The following LIN28A variants were observed in gnomAD, a reference collection of about 807,000 sequenced individuals.
LIN28A encodes protein lin-28 homolog A.
LIN28A carries 11 observed loss-of-function variants against 21.1 expected under a neutral mutation model. The ratio of observed to expected loss-of-function variants is 0.52; its 90% CI spans 0.33 to 0.86. The LOEUF (loss-of-function observed/expected upper bound fraction) is 0.86, where lower values mean the gene tolerates loss of function less well. Ranked by LOEUF, LIN28A falls within the 40% of genes least tolerant of loss-of-function variation. LIN28A has a pLI of 0.03. For missense variants in LIN28A, 219 were observed against 279.8 expected (o/e 0.78, Z 1.55); for synonymous variants, 111 against 108.7 (o/e 1.02, Z -0.13).
intron 2 of LIN28A, among the ~76,000 whole-genome samples, chr1:26,418,993 A>T (rs1416173511): frequency 6.6e-6 from 1 of 151,960 alleles, no homozygotes; most frequent in East Asian, 1.9e-4. Context: ...AGAACCAGCC[A>T]GTGTCAACTC....
At chr1:26,418,878 A>T (rs957089705) in intron 2 of LIN28A, among the ~76,000 whole-genome samples, 1 of 152,090 alleles carries the variant, frequency 6.6e-6, no homozygotes, top group Non-Finnish European at 1.5e-5. Context: ...TCCCGTGACC[A>T]TAACCCCAAC....
At chr1:26,420,464 A>T (rs1231675976) in intron 2 of LIN28A, among the ~76,000 whole-genome samples, 2 of 152,048 alleles carry the variant, frequency 1.3e-5, no homozygotes, top group African/African-American at 4.8e-5. Context: ...AAATACAAAA[A>T]TTAGCTGGGT....
intron 2 of LIN28A, among the ~76,000 whole-genome samples, chr1:26,424,435 T>A (rs1244620646): frequency 6.6e-6 from 1 of 151,858 alleles, no homozygotes; most frequent in Non-Finnish European, 1.5e-5. Flanking sequence ...AGAGACAGGG[T>A]TTCACCATGT....
At chr1:26,420,108 C>T (rs553293333) in intron 2 of LIN28A, among the ~76,000 whole-genome samples, 1 of 152,192 alleles carries the variant, frequency 6.6e-6, no homozygotes, top group South Asian at 2.1e-4. Context: ...CAGGCACATG[C>T]CACCATGCTG....
At position 26,411,712 on chromosome 1, in the gene LIN28A, G is replaced by A. The variant is rs2074960811; in HGVS notation, c.228+130G>A. 6 of 888,394 alleles carry A rather than the reference G, an allele frequency of 6.8e-6. No homozygotes were observed. The highest frequency in any genetic ancestry group is 5.6e-5 in the Admixed American group (2 of 35,976). The allele number at this position is 888,394 out of a possible 1,614,324, so 55.0% of individuals were successfully genotyped here. On this transcript the variant is annotated intron_variant, in intron 2 of 3. Coordinates refer to ENST00000326279, the MANE Select transcript of LIN28A (RefSeq NM_024674.6). The surrounding 1 kb of genome is among the most constrained non-coding windows in gnomAD (Gnocchi z 5.4). Reference sequence around the variant, plus strand: ...CATTATGCATCCCTGTCTTTGCTTCGGCACCCCAATTCTGAGTCCCTGTTA... The same window carrying A: ...CATTATGCATCCCTGTCTTTGCTTCAGCACCCCAATTCTGAGTCCCTGTTA...
intron 2 of LIN28A, among the ~76,000 whole-genome samples, chr1:26,424,355 C>T (rs1365297578): frequency 2.0e-5 from 3 of 152,104 alleles, no homozygotes; most frequent in African/African-American, 4.8e-5. Context: ...AACTCTCCTG[C>T]CCCAACTGCC....
At chr1:26,418,060 C>T (rs1452269521) in intron 2 of LIN28A, among the ~76,000 whole-genome samples, 1 of 150,754 alleles carries the variant, frequency 6.6e-6, no homozygotes, top group African/African-American at 2.4e-5. Context: ...TTGTTTTTAA[C>T]TCCACATTTC....
intron 1 of LIN28A, 21 bp downstream of exon 1, chr1:26,410,943 G>T: frequency 6.2e-7 from 1 of 1,605,654 alleles, no homozygotes; most frequent in Non-Finnish European, 8.5e-7. Context: ...GGGACTTAGC[G>T]GGGACACTTT....
chr1:26,411,468 G>A lies in LIN28A; in HGVS notation c.114G>A (p.Leu38=), dbSNP rs1315667134. The change falls in exon 2 of 4, where the codon CTG becomes CTA. Residue 38 remains leucine, a synonymous_variant. Transcript: ENST00000326279. The surrounding 1 kb of genome is among the most constrained non-coding windows in gnomAD (Gnocchi z 5.4). ...GGGCGGCGGACGAGCCTCAGCTGCT[G>A]CACGGTGCGGGCATCTGTAAGTGGT... ...AARAADEPQL[L]HGAGICKWFN... is the part of the protein sequence containing the mutation. 6.2e-7 allele frequency: 1 copy of A among 1,613,776 alleles called. No individual in the cohort carries two copies. The highest frequency in any genetic ancestry group is 1.7e-5 in the Admixed American group (1 of 59,990).
Position 26,428,488 on chromosome 1 carries a change from C to CCCT in LIN28A, c.*2033_*2035dup, listed in dbSNP as rs1430866225. The stretch of plus-strand genomic sequence containing the variant: ...TGCAAAAATACTGAAGCTAGGAAAA[C>CCCT]CCTCCATCCCTTGTTCCCAACCTCC... On this transcript the variant is annotated 3_prime_UTR_variant, in exon 4 of 4. Coordinates refer to ENST00000326279, the MANE Select transcript of LIN28A (RefSeq NM_024674.6). 2 of 152,080 alleles carry CCCT rather than the reference C, an allele frequency of 1.3e-5. No homozygotes were observed. The highest frequency in any genetic ancestry group is 4.8e-5 in the African/African-American group (2 of 41,408). The allele number at this position is 152,080 out of a possible 1,614,324, so 9.4% of individuals were successfully genotyped here.
At chr1:26,414,238 T>C (rs1358811338) in intron 2 of LIN28A, among the ~76,000 whole-genome samples, 1 of 136,236 alleles carries the variant, frequency 7.3e-6, no homozygotes, top group Non-Finnish European at 1.7e-5. Context: ...AAGCAGAGGG[T>C]AAGAAATCTT....
intron 2 of LIN28A, among the ~76,000 whole-genome samples, chr1:26,424,051 G>A (rs1033096466): frequency 2.1e-4 from 32 of 151,430 alleles, no homozygotes; most frequent in African/African-American, 5.8e-4. Context: ...GTGAGGCAGC[G>A]CACCCGGCCT....
chr1:26,423,411 T>C (rs1191069683), intron 2 of LIN28A, among the ~76,000 whole-genome samples: 2 of 97,096 alleles, frequency 2.1e-5, no homozygotes, highest in South Asian at 4.3e-4. Flanking sequence ...TTTTTTCTTT[T>C]TCTTTTTTTT....
intron 2 of LIN28A, among the ~76,000 whole-genome samples, chr1:26,424,964 AACTCCTG>A (rs2075049743): frequency 6.6e-6 from 1 of 152,140 alleles, no homozygotes; most frequent in African/African-American, 2.4e-5. Flanking sequence ...GCTGGTCTCG[AACTCCTG>A]ACTTCAGGTG....
intron 2 of LIN28A, among the ~76,000 whole-genome samples, chr1:26,414,236 G>A (rs2074980249): frequency 7.3e-6 from 1 of 136,318 alleles, no homozygotes; most frequent in Non-Finnish European, 1.7e-5. Context: ...CGAAGCAGAG[G>A]GTAAGAAATC....
At chr1:26,422,024 T>C (rs1472779750) in intron 2 of LIN28A, among the ~76,000 whole-genome samples, 5 of 151,592 alleles carry the variant, frequency 3.3e-5, no homozygotes, top group Admixed American at 2.6e-4. Flanking sequence ...TTTTTTTTTT[T>C]CTGAGACAGG....
rs1309898246 is a variant in LIN28A, at chr1:26,411,274, C to T, written c.32-112C>T. 1.2e-5 allele frequency: 13 copies of T among 1,077,894 alleles called. No individual in the cohort carries two copies. The highest frequency in any genetic ancestry group is 1.7e-5 in the Non-Finnish European group (13 of 774,680). 66.8% of individuals were successfully genotyped at this position (1,077,894 alleles called of 1,614,324 possible). A position where few individuals can be genotyped will look rare whatever the true frequency, so the allele number is the denominator to read the frequency against. On this transcript the variant is annotated intron_variant, in intron 1 of 3. Coordinates refer to ENST00000326279, the MANE Select transcript of LIN28A (RefSeq NM_024674.6). The surrounding 1 kb of genome is among the most constrained non-coding windows in gnomAD (Gnocchi z 5.4). Reference sequence around the variant, plus strand: ...TCTTCTGTTGCTTGGTAGCTGCCCCCTCCTGGCTGTCCACTTGTGGGGCTG... The same window carrying T: ...TCTTCTGTTGCTTGGTAGCTGCCCCTTCCTGGCTGTCCACTTGTGGGGCTG...
intron 2 of LIN28A, among the ~76,000 whole-genome samples, chr1:26,423,956 G>A (rs529533640): frequency 4.8e-4 from 73 of 151,178 alleles, no homozygotes; most frequent in Non-Finnish European, 9.9e-4. Flanking sequence ...TAGAGACGGG[G>A]TTTCACCGTG....
chr1:26,426,475 G>A lies in LIN28A; in HGVS notation c.*17G>A, dbSNP rs777591401. On this transcript the variant is annotated 3_prime_UTR_variant, in exon 4 of 4. Transcript: ENST00000326279. ...CAGAATTGAGCCACAATGGGTGGGGGCTATTCTTTTGCTATCAGGAAGTTT... is the reference window on the plus strand; with the variant it reads ...CAGAATTGAGCCACAATGGGTGGGGACTATTCTTTTGCTATCAGGAAGTTT... 3.1e-6 allele frequency: 5 copies of A among 1,602,512 alleles called. No individual in the cohort carries two copies. The highest frequency in any genetic ancestry group is 4.3e-6 in the Non-Finnish European group (5 of 1,169,628).
Sources: gnomAD v4.1 joint callset for allele counts (sites outside exome capture counted in the v4.1 genomes callset) on GRCh38, gnomAD v4.1.1 for gene constraint, Gnocchi (gnomAD v3.1) non-coding constraint, MANE v1.5 for transcripts, NCBI Gene and HGNC (gene_info 2026-07-23, HGNC 2026-07-21) for gene names.